The following TLN1 variants were observed in gnomAD, a reference collection of about 807,000 sequenced individuals.
The protein encoded by TLN1 is talin 1.
A neutral mutation model predicts 292.3 loss-of-function variants in TLN1; 56 were observed. The ratio of observed to expected loss-of-function variants is 0.19; its 90% confidence interval spans 0.15 to 0.24. TLN1 has a LOEUF of 0.24. Among genes scored for constraint, TLN1 ranks in the 10% least tolerant of loss-of-function variants. The probability of loss-of-function intolerance (pLI) is 1.00; values close to 1 mark genes in which losing one functional copy is unlikely to be tolerated. For synonymous variants in TLN1, 1,119 were observed against 1,253.7 expected, an observed-to-expected ratio of 0.89 and a Z score of 2.27; for missense variants, 2,433 against 3,248.2, an observed-to-expected ratio of 0.75 and a Z score of 6.10.
In TLN1 at chr9:35,724,625, C is replaced by T. The variant is rs1195021793; in HGVS notation, c.458G>A (p.Arg153Gln). 1.2e-6 allele frequency: 2 copies of T among 1,614,084 alleles called. No individual in the cohort carries two copies. Among genetic ancestry groups the T allele is most frequent in the Non-Finnish European group, 8.5e-7 (1 of 1,180,042 alleles). ...GTLRKDKTLL[R>Q]DEKKMEKLKQ... ...TAGTTTCTCCATCTTCTTTTCATCTCGCAGCAATGTCTTGTCCTTTCTTAA... is the reference window on the plus strand; with the variant it reads ...TAGTTTCTCCATCTTCTTTTCATCTTGCAGCAATGTCTTGTCCTTTCTTAA... Residue 153 changes from arginine to glutamine, a missense_variant, in exon 5 of 57, where the codon CGA becomes CAA. Coordinates refer to ENST00000314888, the MANE Select transcript of TLN1 (RefSeq NM_006289.4). The surrounding 1 kb of genome is among the most constrained non-coding windows in gnomAD (Gnocchi z 4.7).
At chr9:35,718,560 G>A (rs533337995) in intron 17 of TLN1, among the ~76,000 whole-genome samples, 1 of 152,162 alleles carries the variant, frequency 6.6e-6, no homozygotes, top group Non-Finnish European at 1.5e-5. Context: ...GGGGAAGAGA[G>A]AGAAAAGATG....
At chr9:35,718,939 T>C in intron 16 of TLN1, 29 bp from the exon 17 acceptor site, 1 of 1,608,208 alleles carries the variant, frequency 6.2e-7, no homozygotes, top group Non-Finnish European at 8.5e-7. Flanking sequence ...AGTCAGAAGC[T>C]GCCCAATCCC....
In TLN1 at chr9:35,697,524, G is replaced by A. The variant is rs938110029; in HGVS notation, c.*267C>T. 7 of 448,900 alleles carry A rather than the reference G, an allele frequency of 1.6e-5. No homozygotes were observed. The highest frequency in any genetic ancestry group is 2.8e-5 in the Non-Finnish European group (7 of 254,158). The allele number at this position is 448,900 out of a possible 1,614,324, so 27.8% of individuals were successfully genotyped here. On this transcript the variant is annotated 3_prime_UTR_variant, in exon 57 of 57. Transcript: ENST00000314888. ...GCTGGGGCCCCGGCAGATTCAGATC[G>A]AGGTACAGCAGCGTTAATAATACTC...
In TLN1 at chr9:35,717,426, T is replaced by C; in HGVS notation, c.2178A>G (p.Thr726=). The change falls in exon 19 of 57, where the codon ACA becomes ACG. Residue 726 remains threonine, a synonymous_variant. Transcript: ENST00000314888. The surrounding 1 kb of genome is among the most constrained non-coding windows in gnomAD (Gnocchi z 4.7). ...GCTCTTGGCAGACAGGTGAGCTGAT[T>C]GTAGGTGCCACCACCTGTAGGTAAA... is the stretch of plus-strand genomic sequence containing the variant. ...LVACTKVVAP[T]ISSPVCQEQL... 2 of 1,612,994 alleles carry C rather than the reference T, an allele frequency of 1.2e-6. No homozygotes were observed. Among genetic ancestry groups the C allele is most frequent in the Non-Finnish European group, 1.7e-6 (2 of 1,179,102 alleles).
chr9:35,727,454 G>A (rs1428769534), intron 1 of TLN1, among the ~76,000 whole-genome samples: 1 of 152,172 alleles, frequency 6.6e-6, no homozygotes, highest in East Asian at 1.9e-4. Flanking sequence ...GTGGCAGATA[G>A]ACCATTTCTG....
Position 35,698,982 on chromosome 9 carries a change from G to T in TLN1, c.7000-49C>A, listed in dbSNP as rs1825416893. On this transcript the variant is annotated intron_variant, in intron 52 of 56. Coordinates refer to ENST00000314888, the MANE Select transcript of TLN1 (RefSeq NM_006289.4). The surrounding 1 kb of genome is among the most constrained non-coding windows in gnomAD (Gnocchi z 5.3). ...AAGAGATGTAAAGTCAGAGATGAAG[G>T]TGGGGACACTGCCATGGTGAGGGTG... The T allele has an allele frequency of 6.2e-7, 1 of 1,609,848 alleles. No individual in the cohort carries two copies. Among genetic ancestry groups the T allele is most frequent in the Non-Finnish European group, 8.5e-7 (1 of 1,176,468 alleles).
chr9:35,702,546 G>A (rs968996368), intron 48 of TLN1, among the ~76,000 whole-genome samples: 2 of 151,892 alleles, frequency 1.3e-5, no homozygotes, highest in Non-Finnish European at 2.9e-5. Flanking sequence ...AGGCTGGAGT[G>A]CAGTGGCGCC....
At chr9:35,725,043 G>A in intron 3 of TLN1, 84 bp from the exon 4 acceptor site, 2 of 1,595,810 alleles carry the variant, frequency 1.3e-6, no homozygotes, top group Non-Finnish European at 1.7e-6. Flanking sequence ...GGGAGAGAGT[G>A]GAGCACTGAA....
At chr9:35,730,699 G>A (rs1200751824) in intron 1 of TLN1, among the ~76,000 whole-genome samples, 2 of 152,088 alleles carry the variant, frequency 1.3e-5, no homozygotes, top group African/African-American at 4.8e-5. Context: ...GAGCATGGGA[G>A]AGTTAAAGGC....
chr9:35,704,563 C>T lies in TLN1; in HGVS notation c.5881-65G>A, dbSNP rs549239874. 2.3e-5 allele frequency: 37 copies of T among 1,582,942 alleles called. No homozygotes were observed. In the East Asian group the frequency reaches 8.3e-4, roughly 36 times the overall value. On this transcript the variant is annotated intron_variant, in intron 44 of 56. Coordinates refer to ENST00000314888, the MANE Select transcript of TLN1 (RefSeq NM_006289.4). This position sits in a 1 kb window ranked among gnomAD's most constrained non-coding sequence, Gnocchi z 6.9. ...ATGTGAAATGGAAAGGTTGCCCATG[C>T]CTGGGAGAAGTGACAACAGGAGAGG...
In TLN1 at chr9:35,714,299, C is replaced by T. The variant is rs1176524343; in HGVS notation, c.3060G>A (p.Leu1020=). ...TGCCCAGGTTCTTGGCACACTGACT[C>T]AGCTGCATGGCTGAAGCCTGGTCCT... ...TIQDQASAMQ[L]SQCAKNLGTA... Residue 1020 remains leucine (L), a synonymous_variant, in exon 24 of 57, where the codon CTG becomes CTA. Coordinates refer to ENST00000314888, the MANE Select transcript of TLN1 (RefSeq NM_006289.4). The surrounding 1 kb of genome is among the most constrained non-coding windows in gnomAD (Gnocchi z 4.6). The T allele has an allele frequency of 5.6e-6, 9 of 1,613,984 alleles. No homozygotes were observed. Among genetic ancestry groups the T allele is most frequent in the Non-Finnish European group, 7.6e-6 (9 of 1,179,844 alleles).
At position 35,724,608 on chromosome 9, in the gene TLN1, C is replaced by A; in HGVS notation, c.475G>T (p.Glu159Ter). 6.2e-7 allele frequency: 1 copy of A among 1,614,154 alleles called. No homozygotes were observed. Among genetic ancestry groups the A allele is most frequent in the Non-Finnish European group, 8.5e-7 (1 of 1,180,032 alleles). Residue 159 changes from glutamate to a stop codon, truncating the protein, a stop_gained, in exon 5 of 57, where the codon GAG becomes TAG. Coordinates refer to ENST00000314888, the MANE Select transcript of TLN1 (RefSeq NM_006289.4). LOFTEE classifies it high-confidence loss of function. This position sits in a 1 kb window ranked among gnomAD's most constrained non-coding sequence, Gnocchi z 4.7. Reference sequence around the variant, plus strand: ...GTGTGCAATTTCTGCTTTAGTTTCTCCATCTTCTTTTCATCTCGCAGCAAT... The same window carrying A: ...GTGTGCAATTTCTGCTTTAGTTTCTACATCTTCTTTTCATCTCGCAGCAAT... ...KTLLRDEKKM[E>*]KLKQKLHTDD...
Position 35,703,620 on chromosome 9 carries a change from C to T in TLN1, c.6414G>A (p.Glu2138=). 6.2e-7 allele frequency: 1 copy of T among 1,614,186 alleles called. No individual in the cohort carries two copies. The highest frequency in any genetic ancestry group is 8.5e-7 in the Non-Finnish European group (1 of 1,180,032). The change falls in exon 48 of 57, where the codon GAG becomes GAA. Residue 2138 remains glutamate, a synonymous_variant. Coordinates refer to ENST00000314888, the MANE Select transcript of TLN1 (RefSeq NM_006289.4). Reference sequence around the variant, plus strand: ...CCAGGGCCCGAGTGCCTTTGGTGGCCTCATCTTCCACGGCTTTTACTGTCT... The same window carrying T: ...CCAGGGCCCGAGTGCCTTTGGTGGCTTCATCTTCCACGGCTTTTACTGTCT... The part of the protein sequence containing the change: ...LLKTVKAVED[E]ATKGTRALEA...
At chr9:35,708,095 G>A (rs7862485) in intron 34 of TLN1, 25,247 of 720,354 alleles carry the variant, frequency 0.035, 1,245 homozygotes, top group African/African-American at 0.19. Context: ...ACATACTAAT[G>A]GAGAAACCAT....
rs145664330 is a variant in TLN1 at position 35,724,314 on chromosome 9, G to A, written c.532C>T (p.Arg178Trp). 4.3e-6 allele frequency: 7 copies of A among 1,614,006 alleles called. No individual in the cohort carries two copies. The highest frequency in any genetic ancestry group is 1.3e-5 in the African/African-American group (1 of 74,876). The change falls in exon 6 of 57, where the codon CGG becomes TGG. Residue 178 changes from arginine to tryptophan, a missense_variant. Arg to Trp is a moderately radical substitution (Grantham distance 101). Transcript: ENST00000314888. This position sits in a 1 kb window ranked among gnomAD's most constrained non-coding sequence, Gnocchi z 4.7. ...TCTACACCCTGCTCCCTCAGTGTCCGACCATGGTCCAGCCAGTTCACTGGG... is the reference window on the plus strand; with the variant it reads ...TCTACACCCTGCTCCCTCAGTGTCCAACCATGGTCCAGCCAGTTCACTGGG... Reference protein sequence around the residue: ...DDELNWLDHGRTLREQGVEEH... With the variant: ...DDELNWLDHGWTLREQGVEEH...
Position 35,715,062 on chromosome 9 carries a change from C to T in TLN1, c.2751G>A (p.Leu917=), listed in dbSNP as rs767261834. The T allele has an allele frequency of 7.7e-5, 124 of 1,612,872 alleles. No individual in the cohort carries two copies. Among genetic ancestry groups the T allele is most frequent in the Non-Finnish European group, 1.0e-4 (122 of 1,180,050 alleles). ...NAIKKKLVQR[L]EHAAKQAAAS... Reference sequence around the variant, plus strand: ...CTGGTGAAACTCCCAGCCTCACCTCCAGGCGCTGCACCAGCTTTTTCTTGA... The same window carrying T: ...CTGGTGAAACTCCCAGCCTCACCTCTAGGCGCTGCACCAGCTTTTTCTTGA... Residue 917 remains leucine (L), a synonymous_variant, in exon 21 of 57, where the codon CTG becomes CTA. Transcript: ENST00000314888.
Position 35,719,942 on chromosome 9 carries a change from C to A in TLN1, c.1465-89G>T. 1 of 1,585,444 alleles carries A rather than the reference C, an allele frequency of 6.3e-7. No homozygotes were observed. Among genetic ancestry groups the A allele is most frequent in the Non-Finnish European group, 8.6e-7 (1 of 1,161,718 alleles). ...AGAACCAGGGTCTAGGGAGAGAATA[C>A]AAATAGGGACCTGGGAAAAGACTGC... is the stretch of plus-strand genomic sequence containing the variant. On this transcript the variant is annotated intron_variant, in intron 13 of 56. Coordinates refer to ENST00000314888, the MANE Select transcript of TLN1 (RefSeq NM_006289.4). The surrounding 1 kb of genome is among the most constrained non-coding windows in gnomAD (Gnocchi z 4.6).
chr9:35,715,035 TC>T, intron 21 of TLN1, 23 bp downstream of exon 21: 3 of 1,612,638 alleles, frequency 1.9e-6, no homozygotes, highest in Non-Finnish European at 1.7e-6. Context: ...TCTCTCTTGC[TC>T]CTGGTGAAAC....
rs1825588254 is a variant in TLN1 at position 35,707,558 on chromosome 9, T to C, written c.4633-70A>G. The C allele has an allele frequency of 6.3e-7, 1 of 1,588,892 alleles. No homozygotes were observed. The highest frequency in any genetic ancestry group is 8.6e-7 in the Non-Finnish European group (1 of 1,163,732). ...GGGGGTATAGGAAGTGAAGTCCAGG[T>C]CTCCTTCCTGGGACTTACAGGATTT... On this transcript the variant is annotated intron_variant, in intron 35 of 56. Coordinates refer to ENST00000314888, the MANE Select transcript of TLN1 (RefSeq NM_006289.4). This position sits in a 1 kb window ranked among gnomAD's most constrained non-coding sequence, Gnocchi z 5.6.
Sources: allele counts gnomAD v4.1 joint callset (sites outside exome capture counted in the v4.1 genomes callset), GRCh38; gene constraint gnomAD v4.1.1; non-coding constraint Gnocchi (gnomAD v3.1); transcripts MANE v1.5; gene names NCBI Gene and HGNC (gene_info 2026-07-23, HGNC 2026-07-21).